The following KIF26B variants were observed in gnomAD, a reference collection of about 807,000 sequenced individuals.
KIF26B encodes kinesin-like protein KIF26B.
In KIF26B, 63 loss-of-function variants were observed where a neutral mutation model predicts 151.2. The ratio of observed to expected loss-of-function variants is 0.42; its 90% CI spans 0.34 to 0.51. The LOEUF (loss-of-function observed/expected upper bound fraction) is 0.51. Among genes scored for constraint, KIF26B ranks in the 20% least tolerant of loss-of-function variants. The pLI is 0.07. For synonymous variants in KIF26B, 1,357 were observed against 1,262.1 expected (o/e 1.08, Z -1.59); for missense variants, 2,813 against 2,913.6 (o/e 0.97, Z 0.79).
chr1:245,660,341 TG>T (rs5782362), intron 10 of KIF26B, among the ~76,000 whole-genome samples: 2 of 32,048 alleles, frequency 6.2e-5, no homozygotes, highest in Admixed American at 3.4e-4. Context: ...TGCTATTTTT[TG>T]GGGGGGCGGG....
At chr1:245,547,083 C>T (rs1661760287) in intron 5 of KIF26B, among the ~76,000 whole-genome samples, 1 of 152,246 alleles carries the variant, frequency 6.6e-6, no homozygotes, top group African/African-American at 2.4e-5. Flanking sequence ...GCCCCAGGCG[C>T]CCGGAGCTCA....
At position 245,522,148 on chromosome 1, in the gene KIF26B, T is replaced by C. The variant is rs188255800; in HGVS notation, c.1167-18619T>C. Among the ~76,000 whole-genome samples, 324 of 152,080 alleles carry C rather than the reference T, an allele frequency of 2.1e-3. 1 individual carries two copies. Among genetic ancestry groups the C allele is most frequent in the Admixed American group, 4.5e-3 (69 of 15,268 alleles). On this transcript the variant is annotated intron_variant, in intron 4 of 14. Transcript: ENST00000407071. ...CCTCCCAAAGTGCTGGGATTACAGG[T>C]GTGAGCCACCGCGCCCGGCCTGGTC...
intron 4 of KIF26B, among the ~76,000 whole-genome samples, chr1:245,431,622 G>T (rs1658783788): frequency 1.3e-5 from 2 of 152,064 alleles, no homozygotes; most frequent in African/African-American, 2.4e-5. Flanking sequence ...GGGATTACAG[G>T]CGTGAACCAC....
At chr1:245,291,967 G>A (rs1671260009) in intron 2 of KIF26B, among the ~76,000 whole-genome samples, 1 of 152,204 alleles carries the variant, frequency 6.6e-6, no homozygotes, top group African/African-American at 2.4e-5. Context: ...GGCTGGGTGA[G>A]CCAAGGCACT....
In KIF26B at chr1:245,437,048, G is replaced by A. The variant is rs1352256381; in HGVS notation, c.1166+17303G>A. The stretch of plus-strand genomic sequence containing the variant: ...ATTACAGGCACGTGCCACCATGCCT[G>A]GCTAATTTTTGTAATTTTAGTAGAG... On this transcript the variant is annotated intron_variant, in intron 4 of 14. Coordinates refer to ENST00000407071, the MANE Select transcript of KIF26B (RefSeq NM_018012.4). Among the ~76,000 whole-genome samples the A allele has an allele frequency of 3.3e-5, 5 of 151,990 alleles. No individual in the cohort carries two copies. In the East Asian group the frequency reaches 7.7e-4, roughly 24 times the overall value.
chr1:245,561,227 G>T (rs1487882625), intron 5 of KIF26B, among the ~76,000 whole-genome samples: 1 of 152,202 alleles, frequency 6.6e-6, no homozygotes, highest in Admixed American at 6.5e-5. Context: ...AACAGCAATA[G>T]CGCAGGCACA....
intron 2 of KIF26B, among the ~76,000 whole-genome samples, chr1:245,345,646 C>CT (rs988860956): frequency 1.3e-5 from 2 of 151,986 alleles, no homozygotes; most frequent in African/African-American, 4.8e-5. Context: ...TCACGAATGG[C>CT]TAAGCACCGT....
chr1:245,382,259 G>A (rs1673428883), intron 3 of KIF26B, among the ~76,000 whole-genome samples: 1 of 152,070 alleles, frequency 6.6e-6, no homozygotes, highest in African/African-American at 2.4e-5. Context: ...CATCCTAATG[G>A]GTGTGAGGTG....
chr1:245,438,275 G>A (rs1658981974), intron 4 of KIF26B, among the ~76,000 whole-genome samples: 1 of 152,132 alleles, frequency 6.6e-6, no homozygotes, highest in Admixed American at 6.5e-5. Context: ...TAGCTGCTGT[G>A]TGCCACTTTA....
chr1:245,679,945 A>G (rs1055444369), intron 10 of KIF26B, among the ~76,000 whole-genome samples: 14 of 151,990 alleles, frequency 9.2e-5, no homozygotes, highest in Admixed American at 2.6e-4. Context: ...GGGCCCCCCA[A>G]CCCAAACCCC....
intron 2 of KIF26B, among the ~76,000 whole-genome samples, chr1:245,264,011 A>G (rs988625929): frequency 2.0e-5 from 3 of 152,214 alleles, no homozygotes; most frequent in Non-Finnish European, 4.4e-5. Context: ...TTATTATGCC[A>G]CTGATTAAAG....
At chr1:245,316,756 A>G (rs1671784993) in intron 2 of KIF26B, among the ~76,000 whole-genome samples, 1 of 149,898 alleles carries the variant, frequency 6.7e-6, no homozygotes, top group African/African-American at 2.5e-5. Context: ...ATTTGGTACA[A>G]TTGCTACATT....
Position 245,367,765 on chromosome 1 carries a change from G to A in KIF26B, c.999+398G>A, listed in dbSNP as rs1481050370. ...GCCCCGACTTGTCCACTTATTAGCA[G>A]CGTGACTTGGCACAAGGGGTTTGCC... On this transcript the variant is annotated intron_variant, in intron 3 of 14. Transcript: ENST00000407071. This position sits in a 1 kb window ranked among gnomAD's most constrained non-coding sequence, Gnocchi z 4.2. Among the ~76,000 whole-genome samples, 1 of 152,318 alleles carries A rather than the reference G, an allele frequency of 6.6e-6. No individual in the cohort carries two copies. The highest frequency in any genetic ancestry group is 1.9e-4 in the East Asian group (1 of 5,176).
intron 4 of KIF26B, among the ~76,000 whole-genome samples, chr1:245,447,516 A>C (rs950789620): frequency 6.6e-6 from 1 of 152,024 alleles, no homozygotes. Context: ...ATCCTCATGA[A>C]TAGGATTAGT....
rs2044872520 is a variant in KIF26B at position 245,708,806 on chromosome 1, C to A, written c.*6200C>A. The A allele has an allele frequency of 6.6e-6, 1 of 152,258 alleles. No individual in the cohort carries two copies. Among genetic ancestry groups the A allele is most frequent in the East Asian group, 1.9e-4 (1 of 5,186 alleles). 9.4% of individuals were successfully genotyped at this position (152,258 alleles called of 1,614,324 possible). On this transcript the variant is annotated 3_prime_UTR_variant, in exon 15 of 15. Transcript: ENST00000407071. ...CCTTCAAGCTCTGGATCTCTAATTC[C>A]ATGATTAGTAATGTATGTATGTGTA...
intron 3 of KIF26B, among the ~76,000 whole-genome samples, chr1:245,417,586 A>AT (rs1157840200): frequency 6.6e-6 from 1 of 152,218 alleles, no homozygotes; most frequent in Non-Finnish European, 1.5e-5. Flanking sequence ...CTAATCCCTG[A>AT]TTCTTTAAAA....
intron 2 of KIF26B, among the ~76,000 whole-genome samples, chr1:245,317,310 T>C (rs1268422372): frequency 1.3e-5 from 2 of 152,186 alleles, no homozygotes; most frequent in Non-Finnish European, 1.5e-5. Flanking sequence ...ATCCCTTACA[T>C]TTTTCTTGTC....
intron 2 of KIF26B, among the ~76,000 whole-genome samples, chr1:245,354,701 G>A (rs1412566254): frequency 1.3e-5 from 2 of 152,210 alleles, no homozygotes; most frequent in East Asian, 3.9e-4. Flanking sequence ...TACAACGGAA[G>A]AGAGCATGCT....
At chr1:245,184,043 A>AGTTGTT (rs200362852) in intron 2 of KIF26B, among the ~76,000 whole-genome samples, 2 of 19,580 alleles carry the variant, frequency 1.0e-4, no homozygotes, top group Non-Finnish European at 3.0e-4. Context: ...TATGGGTGGG[A>AGTTGTT]GTTGTTGTTT....
Sources: gnomAD v4.1 joint callset for allele counts (sites outside exome capture counted in the v4.1 genomes callset) on GRCh38, gnomAD v4.1.1 for gene constraint, Gnocchi (gnomAD v3.1) non-coding constraint, MANE v1.5 for transcripts, NCBI Gene and HGNC (gene_info 2026-07-23, HGNC 2026-07-21) for gene names.